Variants in FOXA2 observed in about 807,000 individuals in gnomAD.
FOXA2 encodes hepatocyte nuclear factor 3-beta.
A neutral mutation model predicts 33.3 loss-of-function variants in FOXA2; 9 were observed. That is an observed-to-expected ratio of 0.27 (90% CI 0.16 to 0.47). FOXA2 has a LOEUF of 0.47. Ranked by LOEUF, FOXA2 falls within the 20% of genes least tolerant of loss-of-function variation. The pLI is 0.99. For missense variants in FOXA2, 704 were observed against 659.9 expected (o/e 1.07, Z -0.73); for synonymous variants, 329 against 289.4 (o/e 1.14, Z -1.39).
In FOXA2 at chr20:22,582,437, G is replaced by C; in HGVS notation, c.805C>G (p.Leu269Val). 1 of 1,605,478 alleles carries C rather than the reference G, an allele frequency of 6.2e-7. No homozygotes were observed. Among genetic ancestry groups the C allele is most frequent in the Admixed American group, 1.7e-5 (1 of 58,894 alleles). The change falls in exon 2 of 2, where the codon CTG (leucine) becomes GTG (valine). Residue 269 changes from leucine to valine, a missense_variant. By Grantham distance (32) the Leu-to-Val change is conservative. Around this residue, in one of 5 missense-constraint regions of FOXA2, gnomAD observed 343 missense variants for 274.8 expected, o/e 1.25. Transcript: ENST00000419308. ...KRFKCEKQLA[L>V]KEAAGAAGSG... ...CCGGCGGCGCCTGCGGCCTCCTTCAGCGCCAGCTGCTTCTCGCACTTGAAG... is the reference window on the plus strand; with the variant it reads ...CCGGCGGCGCCTGCGGCCTCCTTCACCGCCAGCTGCTTCTCGCACTTGAAG...
At chr20:22,584,943 G>A (rs1447975538), upstream of FOXA2, among the ~76,000 whole-genome samples, 1 of 152,090 alleles carries the variant, frequency 6.6e-6, no homozygotes, top group Non-Finnish European at 1.5e-5. Flanking sequence ...CCAGGGGAGC[G>A]GGCTGGGCGG....
chr20:22,584,829 C>T (rs1984722452), upstream of FOXA2, among the ~76,000 whole-genome samples: 1 of 152,104 alleles, frequency 6.6e-6, no homozygotes, highest in Non-Finnish European at 1.5e-5. Flanking sequence ...TTTGAATAAT[C>T]AGCTCACACC....
At position 22,582,484 on chromosome 20, in the gene FOXA2, C is replaced by T; in HGVS notation, c.758G>A (p.Cys253Tyr). The change falls in exon 2 of 2, where the codon TGC becomes TAC. Residue 253 changes from cysteine to tyrosine, a missense_variant. By Grantham distance (194) the Cys-to-Tyr change is radical. Coordinates refer to ENST00000419308, the MANE Select transcript of FOXA2 (RefSeq NM_021784.5). The stretch of plus-strand genomic sequence containing the variant: ...GAAGCGCTTCTGGCGGCGCAGGTAG[C>T]AGCCGTTCTCGAACATGTTGCCCGA... The part of the protein sequence containing the change: ...PDSGNMFENG[C>Y]YLRRQKRFKC... 1 of 1,613,858 alleles carries T rather than the reference C, an allele frequency of 6.2e-7. No individual in the cohort carries two copies. The highest frequency in any genetic ancestry group is 8.5e-7 in the Non-Finnish European group (1 of 1,179,958).
upstream of FOXA2, among the ~76,000 whole-genome samples, chr20:22,585,102 C>G (rs1193663401): frequency 6.6e-6 from 1 of 152,184 alleles, no homozygotes; most frequent in African/African-American, 2.4e-5. Context: ...GCCGGGCGCC[C>G]GGTGCGCCTG....
chr20:22,583,488 C>A (rs1402858856), intron 1 of FOXA2, among the ~76,000 whole-genome samples: 1 of 152,230 alleles, frequency 6.6e-6, no homozygotes, highest in Non-Finnish European at 1.5e-5. Flanking sequence ...TCTCCCCAAA[C>A]TCTCCCACCA....
At position 22,582,031 on chromosome 20, in the gene FOXA2, T is replaced by G; in HGVS notation, c.1211A>C (p.His404Pro). ...HHHSHHHHQP[H>P]KMDLKAYEQV... Reference sequence around the variant, plus strand: ...TTCGTAGGCCTTGAGGTCCATTTTGTGGGGTTGGTGGTGGTGGTGGCTGTG... The same window carrying G: ...TTCGTAGGCCTTGAGGTCCATTTTGGGGGGTTGGTGGTGGTGGTGGCTGTG... The change falls in exon 2 of 2, where the codon CAC becomes CCC. Residue 404 changes from histidine to proline, a missense_variant. Physicochemically the swap from His to Pro is moderately conservative, Grantham distance 77. Around this residue, in one of 5 missense-constraint regions of FOXA2, gnomAD observed 343 missense variants for 274.8 expected, o/e 1.25. Coordinates refer to ENST00000419308, the MANE Select transcript of FOXA2 (RefSeq NM_021784.5). The G allele has an allele frequency of 1.2e-6, 2 of 1,614,086 alleles. No homozygotes were observed. Among genetic ancestry groups the G allele is most frequent in the Non-Finnish European group, 1.7e-6 (2 of 1,180,006 alleles).
At chr20:22,585,307 C>T (rs983997704), upstream of FOXA2, 35 of 152,316 alleles carry the variant, frequency 2.3e-4, no homozygotes, top group Non-Finnish European at 1.5e-5. Context: ...CCTGCGAGGC[C>T]CCTCCCTGTT....
chr20:22,584,200 C>T lies in FOXA2; in HGVS notation c.79G>A (p.Glu27Lys). Residue 27 changes from glutamate to lysine, a missense_variant, in exon 1 of 2, where the codon GAG (glutamate) becomes AAG (lysine). Coordinates refer to ENST00000419308, the MANE Select transcript of FOXA2 (RefSeq NM_021784.5). The part of the protein sequence containing the change: ...EPSDWSSYYA[E>K]PEGYSSVSNM... ...AAAAGACGAGCGCTTACCTCGGGCT[C>T]TGCATAGTAGCTGCTCCAGTCGGAC... 1 of 1,613,910 alleles carries T rather than the reference C, an allele frequency of 6.2e-7. No individual in the cohort carries two copies. Among genetic ancestry groups the T allele is most frequent in the Non-Finnish European group, 8.5e-7 (1 of 1,179,978 alleles).
At position 22,582,431 on chromosome 20, in the gene FOXA2, C is replaced by A. The variant is rs746537555; in HGVS notation, c.811G>T (p.Glu271Ter). The change falls in exon 2 of 2, where the codon GAG becomes TAG. Residue 271 changes from glutamate (E) to a stop codon, truncating the protein, a stop_gained. Coordinates refer to ENST00000419308, the MANE Select transcript of FOXA2 (RefSeq NM_021784.5). LOFTEE classifies it high-confidence loss of function. ...CCGCTGCCGGCGGCGCCTGCGGCCT[C>A]CTTCAGCGCCAGCTGCTTCTCGCAC... ...FKCEKQLALK[E>*]AAGAAGSGKK... 6.2e-7 allele frequency: 1 copy of A among 1,600,184 alleles called. No homozygotes were observed. The highest frequency in any genetic ancestry group is 8.5e-7 in the Non-Finnish European group (1 of 1,174,490).
At position 22,583,031 on chromosome 20, in the gene FOXA2, T is replaced by C. The variant is rs1332735423; in HGVS notation, c.211A>G (p.Met71Val). Residue 71 changes from methionine to valine, a missense_variant, in exon 2 of 2, where the codon ATG (methionine) becomes GTG (valine). Coordinates refer to ENST00000419308, the MANE Select transcript of FOXA2 (RefSeq NM_021784.5). Reference protein sequence around the residue: ...SGNMSAGSMNMSSYVGAGMSP... With the variant: ...SGNMSAGSMNVSSYVGAGMSP... ...ATGCCAGCGCCCACGTACGACGACA[T>C]GTTCATGGAGCCCGCGCTCATGTTG... The C allele has an allele frequency of 1.9e-6, 3 of 1,609,808 alleles. No homozygotes were observed. Among genetic ancestry groups the C allele is most frequent in the African/African-American group, 1.3e-5 (1 of 74,882 alleles).
Position 22,582,204 on chromosome 20 carries a change from C to T in FOXA2, c.1038G>A (p.Gly346=), listed in dbSNP as rs1182057992. ...GGTGGGCCGCGGCCTGCTGCTGCTG[C>T]CCGGGAGAGGGCGCCGGCTCTGGGG... The part of the protein sequence containing the change: ...LSPPEPAPSP[G]QQQQAAAHLL... The change falls in exon 2 of 2, where the codon GGG becomes GGA. Residue 346 remains glycine, a synonymous_variant. Transcript: ENST00000419308. The T allele has an allele frequency of 1.9e-6, 3 of 1,547,488 alleles. No individual in the cohort carries two copies. The East Asian group carries it at 7.3e-5, about 38-fold the overall frequency.
chr20:22,584,375 C>G lies in FOXA2; in HGVS notation c.-97G>C. The G allele has an allele frequency of 1.1e-6, 1 of 940,308 alleles. No homozygotes were observed. The highest frequency in any genetic ancestry group is 1.7e-6 in the Non-Finnish European group (1 of 594,632). 58.2% of individuals were successfully genotyped at this position (940,308 alleles called of 1,614,324 possible). A position where few individuals can be genotyped will look rare whatever the true frequency, so the allele number is the denominator to read the frequency against. Reference sequence around the variant, plus strand: ...AAGTCAGCCAAAGCACCGTCCCCTCCTCCCTCCCTCTCTCGCGCTCCCTCT... The same window carrying G: ...AAGTCAGCCAAAGCACCGTCCCCTCGTCCCTCCCTCTCTCGCGCTCCCTCT... On this transcript the variant is annotated 5_prime_UTR_variant, in exon 1 of 2. Coordinates refer to ENST00000419308, the MANE Select transcript of FOXA2 (RefSeq NM_021784.5).
At position 22,581,844 on chromosome 20, in the gene FOXA2, GTCT is replaced by G; in HGVS notation, c.*3_*5del. On this transcript the variant is annotated 3_prime_UTR_variant, in exon 2 of 2. Coordinates refer to ENST00000419308, the MANE Select transcript of FOXA2 (RefSeq NM_021784.5). ...AGAGTTAGCCGGGCCTGAAGCCGTC[GTCT>G]TCTTAAGAGGAGTTCATAATGGGCC... 1 of 1,607,102 alleles carries G rather than the reference GTCT, an allele frequency of 6.2e-7. No individual in the cohort carries two copies. The highest frequency in any genetic ancestry group is 1.1e-5 in the South Asian group (1 of 90,816).
intron 1 of FOXA2, 119 bp downstream of exon 1, chr20:22,584,073 C>A: frequency 1.1e-6 from 1 of 927,062 alleles, no homozygotes; most frequent in South Asian, 1.4e-5. Flanking sequence ...AGGCGGCTGC[C>A]CAGAAAGGCT....
rs770661422 is a variant in FOXA2, at chr20:22,582,191, CCTG to C, written c.1048_1050del (p.Gln350del). 5.2e-6 allele frequency: 8 copies of C among 1,550,780 alleles called. No homozygotes were observed. Among genetic ancestry groups the C allele is most frequent in the Non-Finnish European group, 7.0e-6 (8 of 1,146,406 alleles). ...GGCGGGCCCAGCAGGTGGGCCGCGGCCTGCTGCTGCTGCCCGGGAGAGGGCGCC... is the reference window on the plus strand; with the variant it reads ...GGCGGGCCCAGCAGGTGGGCCGCGGCCTGCTGCTGCCCGGGAGAGGGCGCC... On this transcript the variant is annotated inframe_deletion, in exon 2 of 2. Coordinates refer to ENST00000419308, the MANE Select transcript of FOXA2 (RefSeq NM_021784.5).
At chr20:22,585,383 C>T (rs1568718469), upstream of FOXA2, 1 of 152,262 alleles carries the variant, frequency 6.6e-6, no homozygotes, top group South Asian at 2.1e-4. Flanking sequence ...CTCGGCTCTC[C>T]GACTCCTCAG....
rs763214832 is a variant in FOXA2 at position 22,582,801 on chromosome 20, G to C, written c.441C>G (p.Gly147=). The C allele has an allele frequency of 3.1e-6, 5 of 1,613,496 alleles. No homozygotes were observed. The part of the protein sequence containing the change: ...NSMSPMYGQA[G]LSRARDPKTY... Reference sequence around the variant, plus strand: ...TCTTGGGGTCGCGGGCGCGGCTCAGGCCCGCCTGCCCGTACATGGGGCTCA... The same window carrying C: ...TCTTGGGGTCGCGGGCGCGGCTCAGCCCCGCCTGCCCGTACATGGGGCTCA... Residue 147 remains glycine (G), a synonymous_variant, in exon 2 of 2, where the codon GGC becomes GGG. Coordinates refer to ENST00000419308, the MANE Select transcript of FOXA2 (RefSeq NM_021784.5).
rs200852135 is a variant in FOXA2 at position 22,582,786 on chromosome 20, G to C, written c.456C>G (p.Arg152=). ...AGCTGCGCCTGTAGGTCTTGGGGTC[G>C]CGGGCGCGGCTCAGGCCCGCCTGCC... ...MYGQAGLSRA[R]DPKTYRRSYT... The change falls in exon 2 of 2, where the codon CGC becomes CGG. Residue 152 remains arginine, a synonymous_variant. Transcript: ENST00000419308. 1 of 1,613,988 alleles carries C rather than the reference G, an allele frequency of 6.2e-7. No homozygotes were observed. Among genetic ancestry groups the C allele is most frequent in the Non-Finnish European group, 8.5e-7 (1 of 1,179,966 alleles).
chr20:22,584,100 G>A, intron 1 of FOXA2, 92 bp downstream of exon 1: 2 of 1,255,354 alleles, frequency 1.6e-6, no homozygotes, highest in Admixed American at 1.7e-5. Flanking sequence ...GTGGGGCGGG[G>A]TGGGGGGGTG....
Sources: gnomAD v4.1 joint callset for allele counts (sites outside exome capture counted in the v4.1 genomes callset) on GRCh38, gnomAD v4.1.1 for gene constraint, gnomAD v4.1.1 regional missense constraint, MANE v1.5 for transcripts, NCBI Gene and HGNC (gene_info 2026-07-23, HGNC 2026-07-21) for gene names.